RDX: variants seen among roughly 807,000 people sequenced by gnomAD.
RDX encodes deafness, autosomal recessive 24.
A neutral mutation model predicts 83.7 loss-of-function variants in RDX; 32 were observed. The ratio of observed to expected loss-of-function variants is 0.38; its 90% CI spans 0.29 to 0.51. RDX has a LOEUF of 0.51. Among genes scored for constraint, RDX ranks in the 20% least tolerant of loss-of-function variants. The pLI is 0.87. For missense variants in RDX, 600 were observed against 689.9 expected (o/e 0.87, Z 1.46); for synonymous variants, 229 against 222.7 (o/e 1.03, Z -0.25).
chr11:110,257,893 T>C lies in RDX; in HGVS notation c.572A>G (p.Tyr191Cys). The C allele has an allele frequency of 6.2e-7, 1 of 1,611,994 alleles. No homozygotes were observed. Among genetic ancestry groups the C allele is most frequent in the South Asian group, 1.1e-5 (1 of 90,984 alleles). ...GMLREDSMME[Y>C]LKIAQDLEMY... ...TTCTAGATCTTGTGCAATCTTCAGGTATTCCATCATAGAATCCTCCCTGTT... is the reference window on the plus strand; with the variant it reads ...TTCTAGATCTTGTGCAATCTTCAGGCATTCCATCATAGAATCCTCCCTGTT... Residue 191 changes from tyrosine to cysteine, a missense_variant, in exon 7 of 14, where the codon TAC becomes TGC. Tyr to Cys is a radical substitution (Grantham distance 194, BLOSUM62 -2). Coordinates refer to ENST00000645495, the MANE Select transcript of RDX (RefSeq NM_002906.4).
intron 14 of RDX, among the ~76,000 whole-genome samples, chr11:110,212,223 T>C (rs937327456): frequency 2.0e-5 from 3 of 152,102 alleles, no homozygotes; most frequent in Non-Finnish European, 2.9e-5. Flanking sequence ...GCAAATAAAA[T>C]AGAAAATCTG....
At chr11:110,237,167 A>C (rs1477067217) in intron 11 of RDX, among the ~76,000 whole-genome samples, 2 of 149,906 alleles carry the variant, frequency 1.3e-5, no homozygotes. Flanking sequence ...TAACTATAAC[A>C]TATTAATTTA....
At chr11:110,177,558 T>C (rs1231186253) in intron 15 of RDX, among the ~76,000 whole-genome samples, 2 of 152,194 alleles carry the variant, frequency 1.3e-5, no homozygotes, top group Non-Finnish European at 2.9e-5. Flanking sequence ...AGCCTCTGAA[T>C]AGATCTCACT....
At chr11:110,197,070 T>A (rs1002187235) in intron 15 of RDX, among the ~76,000 whole-genome samples, 2 of 152,248 alleles carry the variant, frequency 1.3e-5, no homozygotes, top group East Asian at 3.9e-4. Flanking sequence ...AGATAACTTT[T>A]TGTATTTTTT....
rs1250655101 is a variant in RDX at position 110,230,914 on chromosome 11, G to A, written c.*955C>T. 4 of 151,064 alleles carry A rather than the reference G, an allele frequency of 2.6e-5. No individual in the cohort carries two copies. The highest frequency in any genetic ancestry group is 4.4e-5 in the Non-Finnish European group (3 of 67,776). 9.4% of individuals were successfully genotyped at this position (151,064 alleles called of 1,614,324 possible). On this transcript the variant is annotated 3_prime_UTR_variant, in exon 14 of 14. Transcript: ENST00000645495. ...GAGGTAGTATTGTTGTCCCCTCCTC[G>A]GGACTGATGTTTTTATATGCTGCCC... is the stretch of plus-strand genomic sequence containing the variant.
At chr11:110,193,979 T>C (rs190306692) in intron 15 of RDX, among the ~76,000 whole-genome samples, 374 of 152,310 alleles carry the variant, frequency 2.5e-3, no homozygotes, top group African/African-American at 8.2e-3. Context: ...GAAAAACCCA[T>C]ATGTAGAAAA....
At chr11:110,261,816 TTAAA>T (rs1423633726) in intron 5 of RDX, among the ~76,000 whole-genome samples, 3 of 152,338 alleles carry the variant, frequency 2.0e-5, no homozygotes, top group Middle Eastern at 3.4e-3. Flanking sequence ...TTCCTTCTTT[TTAAA>T]TAGAGTAGGT....
intron 5 of RDX, among the ~76,000 whole-genome samples, chr11:110,259,664 C>G (rs1423613197): frequency 6.6e-6 from 1 of 152,176 alleles, no homozygotes; most frequent in Non-Finnish European, 1.5e-5. Flanking sequence ...TAGGTTTCCA[C>G]AGTTTCTTGT....
At chr11:110,269,023 T>C (rs2134394861) in intron 3 of RDX, among the ~76,000 whole-genome samples, 1 of 151,706 alleles carries the variant, frequency 6.6e-6, no homozygotes, top group Admixed American at 6.6e-5. Flanking sequence ...CAAACTGAAG[T>C]GCAGACCGCA....
At chr11:110,291,830 G>C (rs1018102214) in intron 1 of RDX, among the ~76,000 whole-genome samples, 1 of 152,146 alleles carries the variant, frequency 6.6e-6, no homozygotes, top group African/African-American at 2.4e-5. Context: ...CTTTTAGTAT[G>C]CAAGACATTA....
Position 110,258,200 on chromosome 11 carries a change from CAAAAA to C in RDX, c.468-16_468-12del. On this transcript the variant is annotated splice_polypyrimidine_tract_variant and intron_variant, in intron 5 of 13. Transcript: ENST00000645495. Reference sequence around the variant, plus strand: ...TGTTGTTCCAATACACTAAGAGGACCAAAAAAAAAAAAAAATTATAATGACTTTAA... The same window carrying C: ...TGTTGTTCCAATACACTAAGAGGACCAAAAAAAAAATTATAATGACTTTAA... 4 of 1,224,326 alleles carry C rather than the reference CAAAAA, an allele frequency of 3.3e-6. No individual in the cohort carries two copies. The highest frequency in any genetic ancestry group is 2.2e-6 in the Non-Finnish European group (2 of 889,902). 75.8% of individuals were successfully genotyped at this position (1,224,326 alleles called of 1,614,324 possible). A position where few individuals can be genotyped will look rare whatever the true frequency, so the allele number is the denominator to read the frequency against.
intron 2 of RDX, among the ~76,000 whole-genome samples, chr11:110,277,160 C>T (rs1422256510): frequency 1.3e-5 from 2 of 152,148 alleles, no homozygotes; most frequent in Non-Finnish European, 1.5e-5. Flanking sequence ...ATAATTTTGA[C>T]TCTTTAAGGA....
intron 14 of RDX, among the ~76,000 whole-genome samples, chr11:110,219,260 A>C (rs1441988329): frequency 6.6e-6 from 1 of 152,188 alleles, no homozygotes; most frequent in East Asian, 1.9e-4. Flanking sequence ...TTAAAGAATA[A>C]CAAGGAAGCC....
intron 15 of RDX, among the ~76,000 whole-genome samples, chr11:110,196,627 T>G (rs1863218132): frequency 6.6e-6 from 1 of 152,182 alleles, no homozygotes; most frequent in African/African-American, 2.4e-5. Context: ...GAGTTCACCT[T>G]ATTTACACCA....
At chr11:110,228,670 G>A (rs1158140213), downstream of RDX, among the ~76,000 whole-genome samples, 1 of 151,350 alleles carries the variant, frequency 6.6e-6, no homozygotes, top group African/African-American at 2.4e-5. Flanking sequence ...TAATCAACAC[G>A]GTGATCAATA....
At chr11:110,296,245 G>C (rs528858017) in intron 1 of RDX, among the ~76,000 whole-genome samples, 1 of 152,122 alleles carries the variant, frequency 6.6e-6, no homozygotes, top group African/African-American at 2.4e-5. Flanking sequence ...GCCACGACTC[G>C]GGCAGGGCCT....
intron 2 of RDX, among the ~76,000 whole-genome samples, chr11:110,275,316 G>C (rs773294448): frequency 8.5e-5 from 13 of 152,106 alleles, no homozygotes; most frequent in Non-Finnish European, 1.8e-4. Flanking sequence ...ATCTAGGAGG[G>C]CCTAAGCTAA....
rs11295042 is a variant in RDX at position 110,180,650 on chromosome 11, AG to A, written c.*32-5417del. ...CAGTCTGTGTGCATGCTCCTATCTC[AG>A]AACTTTTTTTTTTTTTTTTGAGACA... On this transcript the variant is annotated intron_variant, in intron 15 of 15. Coordinates refer to the RDX transcript ENST00000528498. 5.1e-3 allele frequency among the ~76,000 whole-genome samples: 641 copies of A among 125,236 alleles called. 5 individuals carry two copies. The highest frequency in any genetic ancestry group is 0.02 in the African/African-American group (622 of 30,476). 82.2% of individuals were successfully genotyped at this position (125,236 alleles called of 152,430 possible).
intron 14 of RDX, among the ~76,000 whole-genome samples, chr11:110,203,674 A>AG (rs1274632581): frequency 3.9e-5 from 6 of 152,096 alleles, no homozygotes; most frequent in African/African-American, 1.4e-4. Context: ...AAAATTAAAA[A>AG]TAAATTTTTT....
Sources: allele counts gnomAD v4.1 joint callset (sites outside exome capture counted in the v4.1 genomes callset), GRCh38; gene constraint gnomAD v4.1.1; transcripts MANE v1.5; gene names NCBI Gene and HGNC (gene_info 2026-07-23, HGNC 2026-07-21).